ANO4: variants seen among roughly 807,000 people sequenced by gnomAD.
The protein encoded by ANO4 is anoctamin-4.
In ANO4, 69 loss-of-function variants were observed where a neutral mutation model predicts 141.9. That is an observed-to-expected ratio of 0.49 (90% confidence interval 0.40 to 0.59). The LOEUF (loss-of-function observed/expected upper bound fraction) is 0.59. Among genes scored for constraint, ANO4 ranks in the 20% least tolerant of loss-of-function variants. The pLI, the probability that ANO4 is intolerant of heterozygous loss-of-function variation, is 0.00. For synonymous variants in ANO4, 350 were observed against 394.3 expected (o/e 0.89, Z 1.33); for missense variants, 894 against 1,162.2 (o/e 0.77, Z 3.36).
chr12:101,012,154 A>C (rs965152985), intron 8 of ANO4, among the ~76,000 whole-genome samples: 1 of 152,108 alleles, frequency 6.6e-6, no homozygotes, highest in Admixed American at 6.5e-5. Flanking sequence ...GTGGTTCTCT[A>C]TGGGAATCAC....
At chr12:101,070,985 T>C (rs1176992462) in intron 14 of ANO4, among the ~76,000 whole-genome samples, 1 of 152,090 alleles carries the variant, frequency 6.6e-6, no homozygotes, top group East Asian at 1.9e-4. Context: ...CTCTCCACAG[T>C]TAAAATGGTT....
chr12:100,935,581 A>G (rs1197880438), intron 3 of ANO4, among the ~76,000 whole-genome samples: 2 of 152,172 alleles, frequency 1.3e-5, no homozygotes, highest in African/African-American at 2.4e-5. Context: ...GGATTCATTC[A>G]CAAATGACCC....
rs986272628 is a variant in ANO4 at position 100,827,464 on chromosome 12, T to G, written c.-141+32437T>G. Among the ~76,000 whole-genome samples, 18 of 152,088 alleles carry G rather than the reference T, an allele frequency of 1.2e-4. No homozygotes were observed. The South Asian group carries it at 2.1e-3, about 18-fold the overall frequency. On this transcript the variant is annotated intron_variant, in intron 1 of 27. Transcript: ENST00000392977. ...GCTTATATTTTAAATTAAATGTATC[T>G]TTGTTGTTTTTTTATCCCTCTAAGA...
chr12:100,809,987 T>G (rs2035298602), intron 1 of ANO4, among the ~76,000 whole-genome samples: 1 of 152,146 alleles, frequency 6.6e-6, no homozygotes, highest in Admixed American at 6.5e-5. Context: ...CTGTGCTGGA[T>G]GCTAGGCATG....
At chr12:101,034,949 A>C (rs1361594013) in intron 9 of ANO4, among the ~76,000 whole-genome samples, 18 of 152,202 alleles carry the variant, frequency 1.2e-4, no homozygotes. Flanking sequence ...TGCTGATGGA[A>C]ATGTAAAATT....
chr12:100,989,870 A>AGATG (rs569415039), intron 8 of ANO4, among the ~76,000 whole-genome samples: 23 of 137,034 alleles, frequency 1.7e-4, no homozygotes, highest in East Asian at 4.8e-4. Context: ...ATAGGTCACC[A>AGATG]GATGGATGGA....
intron 3 of ANO4, among the ~76,000 whole-genome samples, chr12:100,927,053 G>T (rs2041904675): frequency 6.6e-6 from 1 of 152,122 alleles, no homozygotes. Context: ...TGTGGTAGGT[G>T]CTTACTAATA....
intron 2 of ANO4, among the ~76,000 whole-genome samples, chr12:100,903,468 G>C (rs1004376063): frequency 4.6e-5 from 7 of 152,152 alleles, no homozygotes; most frequent in Non-Finnish European, 1.0e-4. Flanking sequence ...TTCTTAGCAT[G>C]TTAAAAACAA....
chr12:100,817,898 T>G (rs1014605983), intron 1 of ANO4, among the ~76,000 whole-genome samples: 3 of 151,894 alleles, frequency 2.0e-5, no homozygotes, highest in Non-Finnish European at 4.4e-5. Flanking sequence ...AATTTTTTTG[T>G]TTTACAGTTT....
chr12:100,986,222 C>T (rs948698471), intron 7 of ANO4, among the ~76,000 whole-genome samples: 13 of 152,084 alleles, frequency 8.5e-5, no homozygotes, highest in Admixed American at 2.6e-4. Flanking sequence ...CAAGAAGTCC[C>T]GCAATCTGCA....
intron 14 of ANO4, among the ~76,000 whole-genome samples, chr12:101,075,754 A>G (rs1227675697): frequency 6.7e-6 from 1 of 149,952 alleles, no homozygotes; most frequent in South Asian, 2.1e-4. Context: ...TAACAAAAAT[A>G]TGTATAGCAT....
intron 3 of ANO4, among the ~76,000 whole-genome samples, chr12:100,780,821 G>T (rs1047717377): frequency 4.6e-5 from 7 of 152,182 alleles, no homozygotes; most frequent in Non-Finnish European, 1.0e-4. Context: ...TGGGATTACA[G>T]GTGTGAGCCT....
chr12:101,052,575 C>A (rs1238533830), intron 14 of ANO4, among the ~76,000 whole-genome samples: 5 of 152,106 alleles, frequency 3.3e-5, no homozygotes, highest in African/African-American at 1.2e-4. Context: ...ATCCACAAAG[C>A]TCTTTAATCA....
intron 9 of ANO4, among the ~76,000 whole-genome samples, chr12:101,036,388 T>C (rs758537562): frequency 2.6e-4 from 39 of 152,206 alleles, no homozygotes; most frequent in Non-Finnish European, 5.9e-5. Context: ...TGAAGAGATA[T>C]CTGCACGTCC....
At chr12:100,787,634 G>A (rs2033916124) in intron 3 of ANO4, among the ~76,000 whole-genome samples, 1 of 152,168 alleles carries the variant, frequency 6.6e-6, no homozygotes, top group African/African-American at 2.4e-5. Context: ...AAAATTAATA[G>A]CTAGACTGGG....
chr12:100,814,362 A>G (rs1464432978), intron 1 of ANO4, among the ~76,000 whole-genome samples: 1 of 152,304 alleles, frequency 6.6e-6, no homozygotes, highest in East Asian at 1.9e-4. Flanking sequence ...ACGATTTATC[A>G]TGCCCATTTA....
At chr12:101,114,850 G>T (rs1036938949) in intron 24 of ANO4, among the ~76,000 whole-genome samples, 1 of 152,130 alleles carries the variant, frequency 6.6e-6, no homozygotes, top group South Asian at 2.1e-4. Context: ...TTCAGTAGGG[G>T]AGTCCTGCTG....
chr12:101,089,490 G>C (rs1210204456), intron 17 of ANO4, among the ~76,000 whole-genome samples: 1 of 152,066 alleles, frequency 6.6e-6, no homozygotes, highest in Non-Finnish European at 1.5e-5. Flanking sequence ...GACTCGGTCT[G>C]TGTTAACTGT....
intron 1 of ANO4, among the ~76,000 whole-genome samples, chr12:100,887,519 C>CT (rs5800436): frequency 0.3 from 43,667 of 147,528 alleles, 6,382 homozygotes; most frequent in Middle Eastern, 0.37. Context: ...GGGTTTCTTT[C>CT]TTTTTTTTTT....
Sources: allele counts gnomAD v4.1 joint callset (sites outside exome capture counted in the v4.1 genomes callset), GRCh38; gene constraint gnomAD v4.1.1; transcripts MANE v1.5; gene names NCBI Gene and HGNC (gene_info 2026-07-23, HGNC 2026-07-21).